The following CR1 variants were observed in gnomAD, a reference collection of about 807,000 sequenced individuals.
CR1 encodes the protein complement receptor type 1.
Under a neutral mutation model 187.3 loss-of-function variants are expected in CR1, and 116 were observed. That is an observed-to-expected ratio of 0.62 (90% CI 0.53 to 0.72). The LOEUF (loss-of-function observed/expected upper bound fraction) is 0.72, where lower values mean the gene tolerates loss of function less well. Among genes scored for constraint, CR1 ranks in the 30% least tolerant of loss-of-function variants. The pLI is 0.00. For missense variants in CR1, 1,731 were observed against 2,110.7 expected (o/e 0.82, Z 3.52); for synonymous variants, 576 against 747.1 (o/e 0.77, Z 3.73).
chr1:207,505,614 T>G (rs1447532743), intron 1 of CR1, among the ~76,000 whole-genome samples: 1 of 152,078 alleles, frequency 6.6e-6, no homozygotes, highest in African/African-American at 2.4e-5. Flanking sequence ...AGTGGGTAGA[T>G]GACCTGAGGT....
At chr1:207,616,888 C>G in intron 41 of CR1, 86 bp downstream of exon 41, 1 of 1,535,498 alleles carries the variant, frequency 6.5e-7, no homozygotes, top group Non-Finnish European at 8.8e-7. Context: ...GTCATTTTTG[C>G]TTGTGAAAAT....
At chr1:207,610,353 G>A (rs769315044) in intron 37 of CR1, among the ~76,000 whole-genome samples, 36 of 152,110 alleles carry the variant, frequency 2.4e-4, no homozygotes, top group Admixed American at 4.6e-4. Context: ...GTTTGTTTGA[G>A]AGAAGGTCTC....
intron 30 of CR1, 26 bp from the exon 31 acceptor site, chr1:207,580,485 T>TC (rs748250367): frequency 1.7e-5 from 27 of 1,592,068 alleles, no homozygotes; most frequent in Middle Eastern, 1.7e-4. Flanking sequence ...TCCTATTTTT[T>TC]CTTTTTTTTT....
At chr1:207,512,907 T>G (rs749470278) in intron 4 of CR1, among the ~76,000 whole-genome samples, 87 of 152,218 alleles carry the variant, frequency 5.7e-4, no homozygotes, top group Non-Finnish European at 1.2e-3. Context: ...GTAAATGGCC[T>G]CAAGTCTTCT....
At chr1:207,587,634 C>G in intron 34 of CR1, 69 bp downstream of exon 34, 1 of 1,481,798 alleles carries the variant, frequency 6.7e-7, no homozygotes, top group Non-Finnish European at 9.2e-7. Context: ...CTTGGTGGCT[C>G]ACGCCTGTAA....
intron 2 of CR1, 61 bp downstream of exon 2, chr1:207,506,144 T>G: frequency 1.9e-6 from 3 of 1,569,616 alleles, no homozygotes; most frequent in Non-Finnish European, 2.6e-6. Context: ...TCTGATTCAA[T>G]TTGTTCAAAT....
At chr1:207,526,281 C>T (rs1464969356) in intron 5 of CR1, among the ~76,000 whole-genome samples, 2 of 151,920 alleles carry the variant, frequency 1.3e-5, no homozygotes, top group Non-Finnish European at 2.9e-5. Context: ...GATGTATGGA[C>T]GCTCTTTGTT....
At chr1:207,598,669 C>T (rs962064754) in intron 35 of CR1, among the ~76,000 whole-genome samples, 20 of 152,174 alleles carry the variant, frequency 1.3e-4, no homozygotes, top group Admixed American at 3.9e-4. Context: ...CTGCCTGCCT[C>T]GGCCTCCCAA....
At position 207,568,275 on chromosome 1, in the gene CR1, C is replaced by T. The variant is rs574444983; in HGVS notation, c.4171+233C>T. Reference sequence around the variant, plus strand: ...GGCGGTGAGTGGTGGGAAAGTCCTTCATTAGAATCATATGAATTAAAAACA... The same window carrying T: ...GGCGGTGAGTGGTGGGAAAGTCCTTTATTAGAATCATATGAATTAAAAACA... On this transcript the variant is annotated intron_variant, in intron 25 of 46. Transcript: ENST00000367049. Among the ~76,000 whole-genome samples the T allele has an allele frequency of 2.6e-3, 357 of 135,258 alleles. 8 individuals are homozygous for T. The East Asian group carries it at 0.053, about 20-fold the overall frequency. The allele number at this position is 135,258 out of a possible 152,430, so 88.7% of individuals were successfully genotyped here.
In CR1 at chr1:207,616,508, G is replaced by T; in HGVS notation, c.6662-67G>T. The T allele has an allele frequency of 3.9e-6, 6 of 1,526,376 alleles. No individual in the cohort carries two copies. The East Asian group carries it at 1.1e-4, about 29-fold the overall frequency. The allele number at this position is 1,526,376 out of a possible 1,614,324, so 94.6% of individuals were successfully genotyped here. A position where few individuals can be genotyped will look rare whatever the true frequency, so the allele number is the denominator to read the frequency against. On this transcript the variant is annotated intron_variant, in intron 40 of 46. Coordinates refer to ENST00000367049, the MANE Select transcript of CR1 (RefSeq NM_000651.6). ...ATTCTTTTTAAGCGCACAGTCACAG[G>T]TCACTATTGTTTCAGTCATCTTAAG...
chr1:207,588,607 T>A lies in CR1; in HGVS notation c.5711-68T>A, dbSNP rs999091176. 3 of 1,035,248 alleles carry A rather than the reference T, an allele frequency of 2.9e-6. No homozygotes were observed. In the African/African-American group the frequency reaches 4.8e-5, roughly 16 times the overall value. 64.1% of individuals were successfully genotyped at this position (1,035,248 alleles called of 1,614,324 possible). A position where few individuals can be genotyped will look rare whatever the true frequency, so the allele number is the denominator to read the frequency against. Reference sequence around the variant, plus strand: ...GTATATGCTGTTTAGTATGCCACACTCCAGTCTGAACCTTACAAAGGTAAG... The same window carrying A: ...GTATATGCTGTTTAGTATGCCACACACCAGTCTGAACCTTACAAAGGTAAG... On this transcript the variant is annotated intron_variant, in intron 34 of 46. Transcript: ENST00000367049.
chr1:207,637,817 C>T (rs983183105), intron 46 of CR1, among the ~76,000 whole-genome samples: 5 of 152,138 alleles, frequency 3.3e-5, no homozygotes, highest in Non-Finnish European at 5.9e-5. Context: ...TTTGCATCTC[C>T]GATGGGTTCA....
At chr1:207,617,552 T>C (rs1412860812) in intron 41 of CR1, among the ~76,000 whole-genome samples, 1 of 121,844 alleles carries the variant, frequency 8.2e-6, no homozygotes, top group African/African-American at 2.9e-5. Flanking sequence ...TGTGTATATA[T>C]ATATGTGTAT....
intron 35 of CR1, among the ~76,000 whole-genome samples, chr1:207,601,496 A>G (rs1389237444): frequency 6.6e-6 from 1 of 152,078 alleles, no homozygotes; most frequent in African/African-American, 2.4e-5. Context: ...TTGCCAGACT[A>G]TTTTCCACAG....
intron 40 of CR1, 90 bp downstream of exon 40, chr1:207,614,579 T>C: frequency 2.0e-6 from 2 of 984,762 alleles, no homozygotes; most frequent in South Asian, 2.8e-5. Flanking sequence ...GTTGTCTAGA[T>C]CTTTACTTAA....
rs769896834 is a variant in CR1, at chr1:207,565,792, C to G, written c.3867-46C>G. On this transcript the variant is annotated intron_variant, in intron 23 of 46. Transcript: ENST00000367049. ...GGCCTTAGATTGTGAACTAAGTGTC[C>G]TCTTGGCTGAAACAGCTCACTATTC... The G allele has an allele frequency of 1.9e-6, 3 of 1,608,516 alleles. No homozygotes were observed. The East Asian group carries it at 6.7e-5, about 36-fold the overall frequency.
chr1:207,620,087 G>A (rs1267673704), intron 43 of CR1, 22 bp downstream of exon 43: 5 of 1,597,870 alleles, frequency 3.1e-6, no homozygotes, highest in African/African-American at 2.7e-5. Context: ...TGCAAGGAAT[G>A]TGGGATCTTC....
intron 33 of CR1, among the ~76,000 whole-genome samples, chr1:207,585,663 A>G (rs1661091523): frequency 6.6e-6 from 1 of 152,214 alleles, no homozygotes; most frequent in Non-Finnish European, 1.5e-5. Context: ...AGGTGAAAAG[A>G]CTAAACCTGA....
chr1:207,639,318 AG>A lies in CR1; in HGVS notation c.7458-78del, dbSNP rs146027711. ...GGAATAAAGTTTAGAAAATATCCAA[AG>A]CTTATCAGCCTGTAAATTCTGGGTA... On this transcript the variant is annotated intron_variant, in intron 46 of 46. Coordinates refer to ENST00000367049, the MANE Select transcript of CR1 (RefSeq NM_000651.6). 5.0e-3 allele frequency: 6,695 copies of A among 1,347,560 alleles called. 286 individuals carry two copies. In the African/African-American group the frequency reaches 0.085, roughly 17 times the overall value. The allele number at this position is 1,347,560 out of a possible 1,614,324, so 83.5% of individuals were successfully genotyped here.
Sources: gnomAD v4.1 joint callset for allele counts (sites outside exome capture counted in the v4.1 genomes callset) on GRCh38, gnomAD v4.1.1 for gene constraint, MANE v1.5 for transcripts, NCBI Gene and HGNC (gene_info 2026-07-23, HGNC 2026-07-21) for gene names.